Variants in TMTC2 observed in about 807,000 individuals in gnomAD.
TMTC2 encodes protein O-mannosyl-transferase TMTC2.
A neutral mutation model predicts 82.4 loss-of-function variants in TMTC2; 43 were observed. The observed-to-expected ratio is 0.52, with a 90% CI of 0.41 to 0.67. The LOEUF is 0.67. Among genes scored for constraint, TMTC2 ranks in the 30% least tolerant of loss-of-function variants. The probability of loss-of-function intolerance (pLI) is 0.00; values close to 1 mark genes in which losing one functional copy is unlikely to be tolerated. For missense variants in TMTC2, 919 were observed against 1,012.4 expected (o/e 0.91, Z 1.25); for synonymous variants, 408 against 381.9 (o/e 1.07, Z -0.80).
At chr12:83,041,024 G>C (rs12315833) in intron 9 of TMTC2, among the ~76,000 whole-genome samples, 48,788 of 152,010 alleles carry the variant, frequency 0.32, 8,398 homozygotes, top group South Asian at 0.41. Flanking sequence ...AAGAAGGGAA[G>C]ACTGGCCTTT....
intron 1 of TMTC2, among the ~76,000 whole-genome samples, chr12:82,790,376 A>AT (rs776013232): frequency 3.3e-5 from 5 of 151,970 alleles, no homozygotes; most frequent in Non-Finnish European, 5.9e-5. Context: ...AATATTTGAA[A>AT]TTTCTCAAAA....
chr12:83,025,002 G>A (rs551277226), intron 8 of TMTC2, among the ~76,000 whole-genome samples: 3 of 152,246 alleles, frequency 2.0e-5, no homozygotes, highest in Non-Finnish European at 1.5e-5. Flanking sequence ...GACTAGCCTG[G>A]CCAACATGGT....
intron 3 of TMTC2, among the ~76,000 whole-genome samples, chr12:82,907,791 T>C (rs1364169868): frequency 6.6e-6 from 1 of 152,156 alleles, no homozygotes; most frequent in African/African-American, 2.4e-5. Flanking sequence ...AAGGTAAATT[T>C]TTCTGATTTC....
chr12:82,960,322 A>G lies in TMTC2; in HGVS notation c.1599-4702A>G, dbSNP rs1877860754. ...ATAACTCATTCAATCAAAAAGACACATGCACTCACATGTTCATTGCAGCAC... is the reference window on the plus strand; with the variant it reads ...ATAACTCATTCAATCAAAAAGACACGTGCACTCACATGTTCATTGCAGCAC... On this transcript the variant is annotated intron_variant, in intron 4 of 11. Transcript: ENST00000321196. Among the ~76,000 whole-genome samples, 4 of 152,110 alleles carry G rather than the reference A, an allele frequency of 2.6e-5. No individual in the cohort carries two copies. The South Asian group carries it at 8.3e-4, about 31-fold the overall frequency.
intron 1 of TMTC2, among the ~76,000 whole-genome samples, chr12:82,821,677 C>A (rs914756058): frequency 6.6e-6 from 1 of 151,980 alleles, no homozygotes; most frequent in Admixed American, 6.6e-5. Context: ...TCAAGATCAG[C>A]CTGGCCAAGA....
At chr12:82,765,602 A>T in intron 1 of TMTC2, among the ~76,000 whole-genome samples, 1 of 152,168 alleles carries the variant, frequency 6.6e-6, no homozygotes, top group Admixed American at 6.5e-5. Flanking sequence ...TGAACCCAGA[A>T]GGCAGAGGTT....
At chr12:82,719,386 C>T (rs2136924357) in intron 1 of TMTC2, among the ~76,000 whole-genome samples, 1 of 152,068 alleles carries the variant, frequency 6.6e-6, no homozygotes, top group East Asian at 1.9e-4. Context: ...GCCACCGTGC[C>T]CAGCCTGGAT....
chr12:82,745,444 C>T (rs1055142330), intron 1 of TMTC2, among the ~76,000 whole-genome samples: 5 of 152,160 alleles, frequency 3.3e-5, no homozygotes, highest in Non-Finnish European at 7.3e-5. Flanking sequence ...CTGAACAGAA[C>T]TAGAGTGTCC....
chr12:83,036,355 G>T (rs425204), intron 9 of TMTC2, among the ~76,000 whole-genome samples: 2 of 151,814 alleles, frequency 1.3e-5, no homozygotes. Context: ...GAAAAGTATA[G>T]ATTTTTTAAA....
chr12:82,870,980 T>G (rs1246432461), intron 2 of TMTC2, among the ~76,000 whole-genome samples: 1 of 152,220 alleles, frequency 6.6e-6, no homozygotes, highest in Non-Finnish European at 1.5e-5. Context: ...ATCTTCTCCC[T>G]GGCTGCTCTG....
At chr12:83,006,623 A>G (rs1040632126) in intron 8 of TMTC2, among the ~76,000 whole-genome samples, 2 of 152,374 alleles carry the variant, frequency 1.3e-5, no homozygotes, top group South Asian at 2.1e-4. Flanking sequence ...AGGATTATAA[A>G]TCATGCTGCT....
At chr12:83,029,600 C>G (rs11115552) in intron 8 of TMTC2, among the ~76,000 whole-genome samples, 1 of 151,940 alleles carries the variant, frequency 6.6e-6, no homozygotes, top group African/African-American at 2.4e-5. Context: ...TTGTCTTTAC[C>G]ATGGTCTGTG....
At chr12:82,817,072 A>G (rs1398696110) in intron 1 of TMTC2, among the ~76,000 whole-genome samples, 2 of 149,144 alleles carry the variant, frequency 1.3e-5, no homozygotes, top group African/African-American at 5.0e-5. Context: ...GGTTCAAGTG[A>G]TTCTCCTGCC....
At chr12:82,837,314 A>T (rs1592562478) in intron 1 of TMTC2, among the ~76,000 whole-genome samples, 1 of 152,172 alleles carries the variant, frequency 6.6e-6, no homozygotes, top group South Asian at 2.1e-4. Flanking sequence ...TGATTCAATA[A>T]ATGTGTACAA....
Position 83,030,778 on chromosome 12 carries a change from C to A in TMTC2, c.2071-20C>A, listed in dbSNP as rs1056392453. ...CCTCATGATCTGTTCCTGAATCATC[C>A]ATTTTCTCTGTTTTTCAAGGGTCGT... is the stretch of plus-strand genomic sequence containing the variant. On this transcript the variant is annotated intron_variant, in intron 8 of 11. Coordinates refer to ENST00000321196, the MANE Select transcript of TMTC2 (RefSeq NM_152588.3). The A allele has an allele frequency of 1.9e-5, 30 of 1,590,464 alleles. No homozygotes were observed. The Admixed American group carries it at 3.8e-4, about 20-fold the overall frequency.
chr12:82,937,913 T>TC (rs1302171798), intron 4 of TMTC2, among the ~76,000 whole-genome samples: 1 of 32,700 alleles, frequency 3.1e-5, no homozygotes, highest in East Asian at 3.3e-3. Flanking sequence ...CAAACCTTTT[T>TC]TTTTTTTTAT....
chr12:82,970,879 T>G (rs1273768249), intron 7 of TMTC2, among the ~76,000 whole-genome samples: 2 of 152,218 alleles, frequency 1.3e-5, no homozygotes, highest in Non-Finnish European at 2.9e-5. Context: ...ATTAGCTATA[T>G]TAACCTAACT....
intron 11 of TMTC2, 61 bp downstream of exon 11, chr12:83,061,892 G>T: frequency 7.9e-7 from 1 of 1,262,330 alleles, no homozygotes; most frequent in Non-Finnish European, 1.1e-6. Flanking sequence ...TATGATAGGT[G>T]TAAGAAGCAT....
chr12:82,724,948 A>G (rs759605543), intron 1 of TMTC2, among the ~76,000 whole-genome samples: 7 of 152,212 alleles, frequency 4.6e-5, no homozygotes, highest in Non-Finnish European at 7.3e-5. Flanking sequence ...TCAGGCGATC[A>G]GGGGATGTGA....
Sources: gnomAD v4.1 joint callset for allele counts (sites outside exome capture counted in the v4.1 genomes callset) on GRCh38, gnomAD v4.1.1 for gene constraint, MANE v1.5 for transcripts, NCBI Gene and HGNC (gene_info 2026-07-23, HGNC 2026-07-21) for gene names.